The following ZNF354B variants were observed in gnomAD, a reference collection of about 807,000 sequenced individuals.
The protein encoded by ZNF354B is zinc finger protein 354B.
ZNF354B carries 10 observed loss-of-function variants against 12.9 expected under a neutral mutation model. The observed-to-expected ratio is 0.77, with a 90% CI of 0.48 to 1.31. The LOEUF (loss-of-function observed/expected upper bound fraction) is 1.31. Ranked by LOEUF, ZNF354B falls within the 40% of genes most tolerant of loss-of-function variation. ZNF354B has a pLI of 0.00. For missense variants in ZNF354B, 614 were observed against 711.7 expected, an observed-to-expected ratio of 0.86 and a Z score of 1.56; for synonymous variants, 260 against 243.7, an observed-to-expected ratio of 1.07 and a Z score of -0.62.
chr5:178,878,539 C>T (rs1173192286), intron 4 of ZNF354B, among the ~76,000 whole-genome samples: 1 of 152,190 alleles, frequency 6.6e-6, no homozygotes, highest in African/African-American at 2.4e-5. Context: ...TGGCACTTAA[C>T]CTCGGTGCCC....
intron 4 of ZNF354B, among the ~76,000 whole-genome samples, chr5:178,871,933 ATAG>A (rs1405152634): frequency 6.6e-6 from 1 of 152,210 alleles, no homozygotes. Context: ...TTTTAAGATA[ATAG>A]TAGATTTATA....
chr5:178,884,288 G>A lies in ZNF354B; in HGVS notation c.1836G>A (p.Val612=). 8 of 1,575,622 alleles carry A rather than the reference G, an allele frequency of 5.1e-6. No homozygotes were observed. The highest frequency in any genetic ancestry group is 6.0e-6 in the Non-Finnish European group (7 of 1,163,572). Residue 612 remains valine (V), a synonymous_variant, in exon 5 of 5, where the codon GTG becomes GTA. Transcript: ENST00000322434. ...ACTCCTTAAAAGCCGATTTGCATGTGTGAAAGCCTTAAACCAAAACTCATC... is the reference window on the plus strand; with the variant it reads ...ACTCCTTAAAAGCCGATTTGCATGTATGAAAGCCTTAAACCAAAACTCATC... ...EEDSLKADLH[V]
At chr5:178,862,348 C>T (rs62393048) in intron 2 of ZNF354B, among the ~76,000 whole-genome samples, 6,734 of 149,598 alleles carry the variant, frequency 0.045, 296 homozygotes, top group East Asian at 0.24. Context: ...AGTGCTTCTG[C>T]AGCGTGGCAT....
In ZNF354B at chr5:178,876,625, A is replaced by G. The variant is rs562190637; in HGVS notation, c.257-6084A>G. Among the ~76,000 whole-genome samples, 10 of 152,302 alleles carry G rather than the reference A, an allele frequency of 6.6e-5. No individual in the cohort carries two copies. In the Middle Eastern group the frequency reaches 0.024, roughly 363 times the overall value. ...AGACTCAAGGAATTTTAATTTTCCT[A>G]TCTTAAACTTTGTTGATTTTTCCTA... On this transcript the variant is annotated intron_variant, in intron 4 of 4. Transcript: ENST00000322434.
chr5:178,876,283 G>C (rs1757636737), intron 4 of ZNF354B, among the ~76,000 whole-genome samples: 1 of 152,234 alleles, frequency 6.6e-6, no homozygotes, highest in African/African-American at 2.4e-5. Flanking sequence ...CCCGTGTGGG[G>C]AACAGTCTGG....
rs1757772319 is a variant in ZNF354B at position 178,884,484 on chromosome 5, G to T, written c.*193G>T. On this transcript the variant is annotated 3_prime_UTR_variant, in exon 5 of 5. Transcript: ENST00000322434. ...AAATATCCCGAGACAGTTCACTGTT[G>T]CAGACATTGAAATTGGCCATTTGTA... The T allele has an allele frequency of 1.9e-6, 1 of 535,736 alleles. No individual in the cohort carries two copies. Among genetic ancestry groups the T allele is most frequent in the East Asian group, 3.2e-5 (1 of 31,462 alleles). The allele number at this position is 535,736 out of a possible 1,614,324, so 33.2% of individuals were successfully genotyped here.
intron 4 of ZNF354B, among the ~76,000 whole-genome samples, chr5:178,871,508 A>G (rs528157986): frequency 6.6e-6 from 1 of 152,064 alleles, no homozygotes; most frequent in East Asian, 1.9e-4. Context: ...TGTGTAATAG[A>G]CCTGTTTCTT....
chr5:178,867,106 G>A (rs776175384), intron 4 of ZNF354B, 35 bp downstream of exon 4: 25 of 1,562,524 alleles, frequency 1.6e-5, no homozygotes, highest in Admixed American at 3.3e-5. Context: ...GGGAATGGCC[G>A]CAGACAATGG....
intron 4 of ZNF354B, 148 bp from the exon 5 acceptor site, chr5:178,882,561 C>T: frequency 1.4e-6 from 1 of 700,928 alleles, no homozygotes; most frequent in Non-Finnish European, 2.1e-6. Context: ...AGCTGTCATC[C>T]ATTATTTTAT....
At chr5:178,871,906 T>C (rs899143502) in intron 4 of ZNF354B, among the ~76,000 whole-genome samples, 2 of 152,342 alleles carry the variant, frequency 1.3e-5, no homozygotes, top group South Asian at 2.1e-4. Context: ...ATTTTACTTT[T>C]TTTAGAAAAT....
At chr5:178,881,421 T>C (rs914193538) in intron 4 of ZNF354B, among the ~76,000 whole-genome samples, 5 of 152,208 alleles carry the variant, frequency 3.3e-5, no homozygotes, top group Admixed American at 3.3e-4. Context: ...CTTAATGCAC[T>C]GACATTTGTA....
chr5:178,861,397 C>G (rs1040883498), intron 2 of ZNF354B, among the ~76,000 whole-genome samples: 2 of 152,210 alleles, frequency 1.3e-5, no homozygotes, highest in African/African-American at 4.8e-5. Flanking sequence ...CTCCACTCAC[C>G]CATGTCTCCG....
In ZNF354B at chr5:178,882,006, G is replaced by A. The variant is rs531798245; in HGVS notation, c.257-703G>A. The stretch of plus-strand genomic sequence containing the variant: ...TGTTAAATTGTAGGGAAAATAATGG[G>A]TGTCTTTGCCTTGTTCTTCAGCATA... On this transcript the variant is annotated intron_variant, in intron 4 of 4. Coordinates refer to ENST00000322434, the MANE Select transcript of ZNF354B (RefSeq NM_058230.3). Among the ~76,000 whole-genome samples the A allele has an allele frequency of 6.6e-5, 10 of 152,248 alleles. No homozygotes were observed. In the East Asian group the frequency reaches 1.9e-3, roughly 29 times the overall value.
rs1339686977 is a variant in ZNF354B at position 178,878,685 on chromosome 5, G to GT, written c.257-4017dup. Among the ~76,000 whole-genome samples, 8 of 152,126 alleles carry GT rather than the reference G, an allele frequency of 5.3e-5. No homozygotes were observed. The East Asian group carries it at 1.2e-3, about 22-fold the overall frequency. On this transcript the variant is annotated intron_variant, in intron 4 of 4. Coordinates refer to ENST00000322434, the MANE Select transcript of ZNF354B (RefSeq NM_058230.3). ...AAATGTTTAAATTTTCCACTTGGAG[G>GT]TTTTTTTGTTTGTTTTGTTTTGTTT...
At position 178,883,465 on chromosome 5, in the gene ZNF354B, G is replaced by A. The variant is rs2114031826; in HGVS notation, c.1013G>A (p.Ser338Asn). 1 of 1,614,076 alleles carries A rather than the reference G, an allele frequency of 6.2e-7. No homozygotes were observed. Among genetic ancestry groups the A allele is most frequent in the Middle Eastern group, 1.6e-4 (1 of 6,062 alleles). The change falls in exon 5 of 5, where the codon AGC becomes AAC. Residue 338 changes from serine (S) to asparagine (N), a missense_variant. By Grantham distance (46) the Ser-to-Asn change is conservative. Coordinates refer to ENST00000322434, the MANE Select transcript of ZNF354B (RefSeq NM_058230.3). ...YNPGRKASSY[S>N]TSLSGSQKIH... ...CCAGGCAGGAAGGCATCCAGTTACA[G>A]CACTTCCCTTTCTGGAAGTCAGAAA...
At position 178,883,893 on chromosome 5, in the gene ZNF354B, C is replaced by G. The variant is rs1561672237; in HGVS notation, c.1441C>G (p.Leu481Val). The G allele has an allele frequency of 1.9e-6, 3 of 1,614,138 alleles. No individual in the cohort carries two copies. The highest frequency in any genetic ancestry group is 1.7e-5 in the Admixed American group (1 of 60,026). ...AAAAGCCTTCAGACAGAGTTCCGCT[C>G]TCATTCAACATCAGAGAATGCATAC... ...CGKAFRQSSA[L>V]IQHQRMHTGE... is the part of the protein sequence containing the mutation. Residue 481 changes from leucine to valine, a missense_variant, in exon 5 of 5, where the codon CTC becomes GTC. Physicochemically the swap from Leu to Val is conservative, Grantham distance 32. Transcript: ENST00000322434.
At chr5:178,879,441 C>T (rs1239382496) in intron 4 of ZNF354B, among the ~76,000 whole-genome samples, 1 of 151,662 alleles carries the variant, frequency 6.6e-6, no homozygotes, top group Non-Finnish European at 1.5e-5. Flanking sequence ...GTGCAGAGGC[C>T]CAATCTCGGC....
Position 178,879,854 on chromosome 5 carries a change from G to A in ZNF354B, c.257-2855G>A, listed in dbSNP as rs572741734. On this transcript the variant is annotated intron_variant, in intron 4 of 4. Transcript: ENST00000322434. ...TAAAAGTAGAGAGAATAGGCTGGGC[G>A]TGGTGGCTCAAGCCTGTAATCCCAG... Among the ~76,000 whole-genome samples the A allele has an allele frequency of 4.6e-5, 7 of 152,332 alleles. No homozygotes were observed. In the South Asian group the frequency reaches 8.3e-4, roughly 18 times the overall value.
intron 4 of ZNF354B, among the ~76,000 whole-genome samples, chr5:178,867,986 A>G (rs1757490557): frequency 6.6e-6 from 1 of 152,198 alleles, no homozygotes; most frequent in African/African-American, 2.4e-5. Flanking sequence ...TTGCAGAGCA[A>G]TTGCAATCAT....
Sources: allele counts gnomAD v4.1 joint callset (sites outside exome capture counted in the v4.1 genomes callset), GRCh38; gene constraint gnomAD v4.1.1; transcripts MANE v1.5; gene names NCBI Gene and HGNC (gene_info 2026-07-23, HGNC 2026-07-21).